Variants in WWP2 observed in about 807,000 individuals in gnomAD.
WWP2 encodes NEDD4-like E3 ubiquitin-protein ligase WWP2.
A neutral mutation model predicts 121.0 loss-of-function variants in WWP2; 57 were observed. That is an observed-to-expected ratio of 0.47 (90% CI 0.38 to 0.59). The LOEUF is 0.59. WWP2 is among the 20% of genes least tolerant of loss of function. The pLI is 0.00. For synonymous variants in WWP2, 449 were observed against 441.3 expected (o/e 1.02, Z -0.22); for missense variants, 962 against 1,158.9 (o/e 0.83, Z 2.47).
chr16:69,849,851 A>G (rs1323809035), intron 6 of WWP2, among the ~76,000 whole-genome samples: 1 of 76,314 alleles, frequency 1.3e-5, no homozygotes, highest in African/African-American at 1.3e-4. Context: ...TCATTTATAC[A>G]TTGGTTTATT....
intron 4 of WWP2, among the ~76,000 whole-genome samples, chr16:69,824,154 C>T (rs2056642309): frequency 6.6e-6 from 1 of 152,238 alleles, no homozygotes; most frequent in South Asian, 2.1e-4. Flanking sequence ...TTCCAGCCTC[C>T]CAGGTTCTCC....
chr16:69,904,442 C>T (rs557441849), intron 8 of WWP2, among the ~76,000 whole-genome samples: 12 of 151,094 alleles, frequency 7.9e-5, no homozygotes, highest in African/African-American at 2.9e-4. Context: ...GATCACGGCT[C>T]ACTGCAGCCT....
rs1230262394 is a variant in WWP2 at position 69,871,948 on chromosome 16, C to T, written c.703+17C>T. The T allele has an allele frequency of 5.6e-6, 9 of 1,608,968 alleles. No homozygotes were observed. Among genetic ancestry groups the T allele is most frequent in the Non-Finnish European group, 7.6e-6 (9 of 1,177,478 alleles). On this transcript the variant is annotated intron_variant, in intron 7 of 23. Transcript: ENST00000359154. ...ATGGCACAGGTGAGTGATGGCACCG[C>T]ACGCCAGCCTGCACTGAAGCTGTGG... is the stretch of plus-strand genomic sequence containing the variant.
chr16:69,877,652 T>C (rs747053381), intron 7 of WWP2, among the ~76,000 whole-genome samples: 6 of 152,032 alleles, frequency 3.9e-5, no homozygotes, highest in Non-Finnish European at 7.4e-5. Context: ...CTTAATAATA[T>C]CTAGTATTTG....
rs979281652 is a variant in WWP2 at position 69,934,051 on chromosome 16, C to T, written c.1764C>T (p.Cys588=). 2 of 1,614,058 alleles carry T rather than the reference C, an allele frequency of 1.2e-6. No homozygotes were observed. The highest frequency in any genetic ancestry group is 2.7e-5 in the African/African-American group (2 of 74,912). Residue 588 remains cysteine (C), a synonymous_variant, in exon 17 of 24, where the codon TGC becomes TGT. Transcript: ENST00000359154. ...LFEYAGKNNY[C]LQINPASSIN... is the part of the protein sequence containing the mutation. The stretch of plus-strand genomic sequence containing the variant: ...AATATGCCGGAAAGAACAATTACTG[C>T]CTGCAGATCAACCCCGCCTCCTCCA...
chr16:69,850,666 AAGGAGG>A (rs1447575437), intron 6 of WWP2, among the ~76,000 whole-genome samples: 2 of 152,216 alleles, frequency 1.3e-5, no homozygotes, highest in Non-Finnish European at 2.9e-5. Flanking sequence ...GAGTGAAGGC[AAGGAGG>A]AGTAAGAGAA....
chr16:69,829,900 CTT>C (rs1242812300), intron 4 of WWP2, among the ~76,000 whole-genome samples: 1 of 151,668 alleles, frequency 6.6e-6, no homozygotes, highest in African/African-American at 2.4e-5. Flanking sequence ...AAGTAATCCT[CTT>C]GTCTCAGCCT....
chr16:69,796,289 G>T (rs968867484), intron 2 of WWP2, among the ~76,000 whole-genome samples: 3 of 152,140 alleles, frequency 2.0e-5, no homozygotes, highest in African/African-American at 7.2e-5. Context: ...GTGGGGTTAC[G>T]TCCTGAAAAA....
At chr16:69,776,897 G>A (rs1255325173) in intron 1 of WWP2, among the ~76,000 whole-genome samples, 1 of 151,886 alleles carries the variant, frequency 6.6e-6, no homozygotes, top group Non-Finnish European at 1.5e-5. Flanking sequence ...AGTCCCTAGT[G>A]TAGTATTTGC....
At chr16:69,894,642 G>A (rs2058080773) in intron 8 of WWP2, among the ~76,000 whole-genome samples, 1 of 152,194 alleles carries the variant, frequency 6.6e-6, no homozygotes, top group South Asian at 2.1e-4. Flanking sequence ...TGCCAGGAAG[G>A]TTTGAAGGGG....
chr16:69,801,384 G>A lies in WWP2; in HGVS notation c.340+2089G>A, dbSNP rs1035061907. ...CTAGTAGCTGGGACTACAGGCACAC[G>A]CCACCATGGCCTGGCTGTATTTCAT... On this transcript the variant is annotated intron_variant, in intron 4 of 23. Transcript: ENST00000359154. 8.6e-5 allele frequency among the ~76,000 whole-genome samples: 13 copies of A among 151,524 alleles called. No homozygotes were observed. In the East Asian group the frequency reaches 1.2e-3, roughly 14 times the overall value.
At chr16:69,878,666 T>A (rs908620083) in intron 7 of WWP2, among the ~76,000 whole-genome samples, 6 of 151,788 alleles carry the variant, frequency 4.0e-5, no homozygotes, top group Non-Finnish European at 7.4e-5. Flanking sequence ...CCAGCCTGTT[T>A]TTATACATGG....
intron 19 of WWP2, 89 bp downstream of exon 19, chr16:69,936,541 A>G (rs945916476): frequency 6.7e-5 from 105 of 1,566,292 alleles, no homozygotes; most frequent in Non-Finnish European, 8.9e-5. Context: ...CCTGTGGCCC[A>G]TCGGTCACTG....
At chr16:69,905,067 A>G (rs929012238) in intron 8 of WWP2, among the ~76,000 whole-genome samples, 1 of 152,208 alleles carries the variant, frequency 6.6e-6, no homozygotes, top group African/African-American at 2.4e-5. Flanking sequence ...CAAATAAGGC[A>G]GACGCCCAGC....
At chr16:69,800,851 C>T (rs1219656836) in intron 4 of WWP2, among the ~76,000 whole-genome samples, 2 of 151,348 alleles carry the variant, frequency 1.3e-5, no homozygotes, top group African/African-American at 4.8e-5. Flanking sequence ...AGGCGTGAGC[C>T]ACTGCACCCA....
chr16:69,900,989 A>G lies in WWP2; in HGVS notation c.915-7772A>G, dbSNP rs141741162. Among the ~76,000 whole-genome samples the G allele has an allele frequency of 5.3e-3, 805 of 152,340 alleles. 8 individuals carry two copies. The highest frequency in any genetic ancestry group is 0.018 in the African/African-American group (763 of 41,576). On this transcript the variant is annotated intron_variant, in intron 8 of 23. Transcript: ENST00000359154. ...GTTAGTGTGCTTAGATTTAAAGGCTAGTTCCTTATTTCAGGAAGGGTCCTT... is the reference window on the plus strand; with the variant it reads ...GTTAGTGTGCTTAGATTTAAAGGCTGGTTCCTTATTTCAGGAAGGGTCCTT...
intron 6 of WWP2, among the ~76,000 whole-genome samples, chr16:69,844,026 T>A (rs1236115541): frequency 6.6e-6 from 1 of 152,190 alleles, no homozygotes; most frequent in African/African-American, 2.4e-5. Context: ...CTTATGAGGT[T>A]GTGGTGACTG....
intron 4 of WWP2, among the ~76,000 whole-genome samples, chr16:69,825,617 GT>G (rs1182979309): frequency 4.9e-4 from 67 of 137,504 alleles, no homozygotes; most frequent in Middle Eastern, 3.7e-3. Context: ...GCAGAAGTGG[GT>G]TTTTTTTTTT....
At chr16:69,838,020 C>T (rs985084555) in intron 4 of WWP2, among the ~76,000 whole-genome samples, 4 of 151,514 alleles carry the variant, frequency 2.6e-5, no homozygotes, top group Non-Finnish European at 4.4e-5. Context: ...GCCAGGAGTT[C>T]GAGACCAGCC....
Sources: gnomAD v4.1 joint callset for allele counts (sites outside exome capture counted in the v4.1 genomes callset) on GRCh38, gnomAD v4.1.1 for gene constraint, MANE v1.5 for transcripts, NCBI Gene and HGNC (gene_info 2026-07-23, HGNC 2026-07-21) for gene names.